RGS7BP: variants seen among roughly 807,000 people sequenced by gnomAD.
RGS7BP encodes the protein regulator of G protein signaling 7-binding protein.
Under a neutral mutation model 31.3 loss-of-function variants are expected in RGS7BP, and 9 were observed. That is an observed-to-expected ratio of 0.29 (90% CI 0.17 to 0.50). The LOEUF is 0.50. Ranked by LOEUF, RGS7BP falls within the 20% of genes least tolerant of loss-of-function variation. The pLI is 0.98. For missense variants in RGS7BP, 274 were observed against 322.0 expected (o/e 0.85, Z 1.14); for synonymous variants, 115 against 120.1 (o/e 0.96, Z 0.28).
intron 2 of RGS7BP, among the ~76,000 whole-genome samples, chr5:64,523,727 A>G (rs77107917): frequency 1.1e-4 from 16 of 152,366 alleles, no homozygotes; most frequent in Admixed American, 8.5e-4. Context: ...TGAATTATTA[A>G]TGAAGACCAA....
intron 2 of RGS7BP, among the ~76,000 whole-genome samples, chr5:64,534,277 C>T (rs1377358677): frequency 6.6e-6 from 1 of 152,078 alleles, no homozygotes; most frequent in Non-Finnish European, 1.5e-5. Flanking sequence ...GGCAGGAAAG[C>T]AGGACAAGAC....
chr5:64,608,489 A>G (rs1416602183), intron 5 of RGS7BP, among the ~76,000 whole-genome samples: 1 of 152,058 alleles, frequency 6.6e-6, no homozygotes, highest in Non-Finnish European at 1.5e-5. Context: ...TAGTTGAAAC[A>G]TGAAGAGACA....
At chr5:64,560,543 G>GTATATATATATA (rs35400833) in intron 2 of RGS7BP, among the ~76,000 whole-genome samples, 9 of 147,246 alleles carry the variant, frequency 6.1e-5, no homozygotes, top group African/African-American at 1.5e-4. Context: ...TAATATCATT[G>GTATATATATATA]TATATATATA....
chr5:64,581,500 G>A (rs1357249682), intron 3 of RGS7BP, among the ~76,000 whole-genome samples: 1 of 152,144 alleles, frequency 6.6e-6, no homozygotes, highest in Admixed American at 6.5e-5. Context: ...ATAGAATTAT[G>A]TACCTCACTT....
At chr5:64,599,609 G>A (rs924348398) in intron 5 of RGS7BP, among the ~76,000 whole-genome samples, 1 of 152,228 alleles carries the variant, frequency 6.6e-6, no homozygotes, top group East Asian at 1.9e-4. Context: ...AAGGGGCCTG[G>A]TCACAAAGGC....
intron 2 of RGS7BP, among the ~76,000 whole-genome samples, chr5:64,527,828 G>T (rs1256982682): frequency 6.6e-6 from 1 of 151,984 alleles, no homozygotes; most frequent in Non-Finnish European, 1.5e-5. Flanking sequence ...TAGTTGCAAG[G>T]ATATACACCA....
At chr5:64,524,239 C>T (rs272624) in intron 2 of RGS7BP, among the ~76,000 whole-genome samples, 103,884 of 152,128 alleles carry the variant, frequency 0.68, 36,141 homozygotes, top group East Asian at 0.95. Flanking sequence ...CTTACAAGTG[C>T]GGAAACTATA....
Position 64,507,795 on chromosome 5 carries a change from C to T in RGS7BP, c.250C>T (p.Leu84Phe). 6.2e-7 allele frequency: 1 copy of T among 1,614,028 alleles called. No homozygotes were observed. Among genetic ancestry groups the T allele is most frequent in the South Asian group, 1.1e-5 (1 of 91,074 alleles). Residue 84 changes from leucine (L) to phenylalanine (F), a missense_variant, in exon 2 of 6, where the codon CTC becomes TTC. By Grantham distance (22) the Leu-to-Phe change is conservative (BLOSUM62 0). Transcript: ENST00000334025. The stretch of plus-strand genomic sequence containing the variant: ...GGATGTCTCGGTCAGCTGCCCCTCA[C>T]TCCGGGCGGAAATGCACAAGACAAG... Reference protein sequence around the residue: ...IGDVSVSCPSLRAEMHKTRTK... With the variant: ...IGDVSVSCPSFRAEMHKTRTK...
intron 2 of RGS7BP, among the ~76,000 whole-genome samples, chr5:64,565,947 C>A (rs1362209380): frequency 6.6e-6 from 1 of 151,900 alleles, no homozygotes; most frequent in Non-Finnish European, 1.5e-5. Context: ...TCATTGCATG[C>A]CAGTGAAAAG....
intron 3 of RGS7BP, among the ~76,000 whole-genome samples, chr5:64,591,661 T>C (rs922859675): frequency 1.3e-5 from 2 of 152,172 alleles, no homozygotes; most frequent in African/African-American, 4.8e-5. Context: ...ATTGGCATAT[T>C]GTGGAAAAAG....
chr5:64,536,268 G>A (rs1741351923), intron 2 of RGS7BP, among the ~76,000 whole-genome samples: 1 of 152,194 alleles, frequency 6.6e-6, no homozygotes, highest in African/African-American at 2.4e-5. Flanking sequence ...CTTCAACTGG[G>A]AGCAAGAGCT....
At chr5:64,586,678 T>C (rs1213303151) in intron 3 of RGS7BP, among the ~76,000 whole-genome samples, 3 of 152,240 alleles carry the variant, frequency 2.0e-5, no homozygotes, top group African/African-American at 7.2e-5. Context: ...ATGAGTATGT[T>C]CACCGTTGTA....
chr5:64,577,873 G>A (rs1009535533), intron 3 of RGS7BP, among the ~76,000 whole-genome samples: 1 of 152,174 alleles, frequency 6.6e-6, no homozygotes, highest in Non-Finnish European at 1.5e-5. Flanking sequence ...GGCTGCACCT[G>A]CAGGATTTCA....
chr5:64,553,171 C>CTTTTTTTTTT (rs542252038), intron 2 of RGS7BP, among the ~76,000 whole-genome samples: 10 of 118,218 alleles, frequency 8.5e-5, no homozygotes, highest in Non-Finnish European at 1.0e-4. Context: ...TTCTTTCTTT[C>CTTTTTTTTTT]TTTTTTTTTT....
At chr5:64,571,196 A>T (rs1168268721) in intron 2 of RGS7BP, among the ~76,000 whole-genome samples, 3 of 152,014 alleles carry the variant, frequency 2.0e-5, no homozygotes, top group Admixed American at 6.6e-5. Context: ...TTGTGTAAGG[A>T]TTTTCTCATT....
chr5:64,562,653 C>T (rs1025799265), intron 2 of RGS7BP, among the ~76,000 whole-genome samples: 1 of 152,158 alleles, frequency 6.6e-6, no homozygotes, highest in African/African-American at 2.4e-5. Flanking sequence ...TGCTTTCCTT[C>T]ACCAGTGTGA....
chr5:64,533,393 G>A (rs1749421958), intron 2 of RGS7BP, among the ~76,000 whole-genome samples: 2 of 152,172 alleles, frequency 1.3e-5, no homozygotes, highest in Non-Finnish European at 2.9e-5. Context: ...GCTTTGGAAA[G>A]CATATTTCAT....
rs556038120 is a variant in RGS7BP at position 64,593,573 on chromosome 5, C to CA, written c.464-1132dup. Among the ~76,000 whole-genome samples, 87 of 152,202 alleles carry CA rather than the reference C, an allele frequency of 5.7e-4. 1 individual carries two copies. The highest frequency in any genetic ancestry group is 3.7e-3 in the Admixed American group (57 of 15,276). The stretch of plus-strand genomic sequence containing the variant: ...CAAAAATAAAACTGGATAAAGGAGG[C>CA]AAAAACACTATATATAATAGCTACC... On this transcript the variant is annotated intron_variant, in intron 3 of 5. Transcript: ENST00000334025.
At chr5:64,550,173 T>G (rs1263050086) in intron 2 of RGS7BP, among the ~76,000 whole-genome samples, 1 of 152,180 alleles carries the variant, frequency 6.6e-6, no homozygotes, top group Non-Finnish European at 1.5e-5. Context: ...TAGGTATTTG[T>G]TATAGCAGTC....
Sources: gnomAD v4.1 joint callset for allele counts (sites outside exome capture counted in the v4.1 genomes callset) on GRCh38, gnomAD v4.1.1 for gene constraint, MANE v1.5 for transcripts, NCBI Gene and HGNC (gene_info 2026-07-23, HGNC 2026-07-21) for gene names.